The following RUNDC3B variants were observed in gnomAD, a reference collection of about 807,000 sequenced individuals.
The protein encoded by RUNDC3B is RUN domain-containing protein 3B.
RUNDC3B carries 33 observed loss-of-function variants against 58.4 expected under a neutral mutation model. The ratio of observed to expected loss-of-function variants is 0.56; its 90% CI spans 0.43 to 0.75. The LOEUF is 0.75. Among genes scored for constraint, RUNDC3B ranks in the 30% least tolerant of loss-of-function variants. The probability of loss-of-function intolerance (pLI) is 0.00; values close to 1 mark genes in which losing one functional copy is unlikely to be tolerated. For missense variants in RUNDC3B, 501 were observed against 535.7 expected (o/e 0.94, Z 0.64); for synonymous variants, 193 against 195.2 (o/e 0.99, Z 0.10).
At chr7:87,703,915 T>TTTG in intron 3 of RUNDC3B, among the ~76,000 whole-genome samples, 1 of 18,544 alleles carries the variant, frequency 5.4e-5, no homozygotes, top group South Asian at 2.2e-3. Flanking sequence ...TTTTTTTTGG[T>TTTG]TTTTTTTTTT....
intron 3 of RUNDC3B, among the ~76,000 whole-genome samples, chr7:87,700,952 C>CTCAAGAAA (rs1290087350): frequency 6.6e-6 from 1 of 152,192 alleles, no homozygotes; most frequent in African/African-American, 2.4e-5. Context: ...TCTTCCCCAC[C>CTCAAGAAA]ATGCACTCAG....
chr7:87,710,594 C>G lies in RUNDC3B; in HGVS notation c.397C>G (p.Leu133Val). Reference protein sequence around the residue: ...AKGRAWIRVALMEKHLSEYIS... With the variant: ...AKGRAWIRVAVMEKHLSEYIS... ...GGGTAGAGCCTGGATCAGAGTAGCA[C>G]TCATGGAAAAACATTTATCTGAATA... The change falls in exon 4 of 11, where the codon CTC becomes GTC. Residue 133 changes from leucine (L) to valine (V), a missense_variant. Coordinates refer to ENST00000394654, the MANE Select transcript of RUNDC3B (RefSeq NM_001134405.2). 4 of 1,599,296 alleles carry G rather than the reference C, an allele frequency of 2.5e-6. No individual in the cohort carries two copies. The highest frequency in any genetic ancestry group is 3.4e-6 in the Non-Finnish European group (4 of 1,169,832).
intron 4 of RUNDC3B, 54 bp downstream of exon 4, chr7:87,710,709 C>A: frequency 2.0e-6 from 2 of 979,886 alleles, no homozygotes; most frequent in Non-Finnish European, 3.1e-6. Flanking sequence ...CACCTGAAGA[C>A]TCAGAAATCA....
intron 4 of RUNDC3B, among the ~76,000 whole-genome samples, chr7:87,722,392 C>G (rs1830956994): frequency 6.6e-6 from 1 of 152,120 alleles, no homozygotes; most frequent in South Asian, 2.1e-4. Context: ...CTATTCTGGT[C>G]TCTACTTTTA....
chr7:87,675,152 G>A (rs1826199516), intron 2 of RUNDC3B, among the ~76,000 whole-genome samples: 1 of 152,160 alleles, frequency 6.6e-6, no homozygotes, highest in Non-Finnish European at 1.5e-5. Flanking sequence ...CTAGGAACAA[G>A]TCCCTGTGCT....
intron 8 of RUNDC3B, among the ~76,000 whole-genome samples, chr7:87,794,767 G>A (rs998138464): frequency 6.6e-6 from 1 of 152,058 alleles, no homozygotes; most frequent in Non-Finnish European, 1.5e-5. Context: ...AAAAAGCATG[G>A]TATTGACATT....
At chr7:87,737,208 C>G (rs949484996) in intron 4 of RUNDC3B, among the ~76,000 whole-genome samples, 3 of 151,696 alleles carry the variant, frequency 2.0e-5, no homozygotes, top group Admixed American at 6.6e-5. Context: ...TAAAAATTTT[C>G]TTTAGAACAA....
At chr7:87,741,893 A>G (rs558360649) in intron 6 of RUNDC3B, among the ~76,000 whole-genome samples, 3 of 152,346 alleles carry the variant, frequency 2.0e-5, no homozygotes, top group Non-Finnish European at 4.4e-5. Context: ...AGATTTTGAA[A>G]CTATAATTCA....
chr7:87,683,879 A>G (rs565425968), intron 2 of RUNDC3B, among the ~76,000 whole-genome samples: 2 of 152,328 alleles, frequency 1.3e-5, no homozygotes, highest in East Asian at 3.9e-4. Context: ...ATAAAGTGAA[A>G]TACATTAAAA....
chr7:87,671,321 G>T (rs767903651), intron 2 of RUNDC3B, among the ~76,000 whole-genome samples: 22 of 152,188 alleles, frequency 1.4e-4, no homozygotes, highest in Non-Finnish European at 2.1e-4. Context: ...GTCTCAGAGA[G>T]GCTTTTAGTT....
chr7:87,690,592 TAAAAGATA>T (rs1827917043), intron 2 of RUNDC3B, among the ~76,000 whole-genome samples: 1 of 152,168 alleles, frequency 6.6e-6, no homozygotes, highest in African/African-American at 2.4e-5. Flanking sequence ...AAATGCTGTA[TAAAAGATA>T]GTCTCATTGT....
At chr7:87,674,256 C>T (rs1033606047) in intron 2 of RUNDC3B, among the ~76,000 whole-genome samples, 7 of 152,060 alleles carry the variant, frequency 4.6e-5, no homozygotes, top group South Asian at 2.1e-4. Context: ...CCAGTGGAAG[C>T]GAGGCAGTGA....
Position 87,741,549 on chromosome 7 carries a change from A to G in RUNDC3B, c.599A>G (p.Asp200Gly), listed in dbSNP as rs1292434893. 6.3e-7 allele frequency: 1 copy of G among 1,586,418 alleles called. No individual in the cohort carries two copies. The highest frequency in any genetic ancestry group is 8.6e-7 in the Non-Finnish European group (1 of 1,160,198). The stretch of plus-strand genomic sequence containing the variant: ...GATGGCAGTTTTCCTGCTGTAATAG[A>G]CTATACACCATATTTGAAGTATATC... ...GLDGSFPAVI[D>G]YTPYLKYIQS... Residue 200 changes from aspartate (D) to glycine (G), a missense_variant, in exon 6 of 11, where the codon GAC becomes GGC. Asp to Gly is a moderately conservative substitution (Grantham distance 94). Coordinates refer to ENST00000394654, the MANE Select transcript of RUNDC3B (RefSeq NM_001134405.2).
Position 87,818,048 on chromosome 7 carries a change from C to A in RUNDC3B, c.1225+1786C>A, listed in dbSNP as rs79997990. Among the ~76,000 whole-genome samples, 576 of 152,022 alleles carry A rather than the reference C, an allele frequency of 3.8e-3. 3 individuals are homozygous for A. The highest frequency in any genetic ancestry group is 0.013 in the African/African-American group (555 of 41,472). ...ATCTTAATATTTTAATATTTTAGTA[C>A]TTTTTTTATAAATCCAATAGTAACT... On this transcript the variant is annotated intron_variant, in intron 10 of 10. Coordinates refer to ENST00000394654, the MANE Select transcript of RUNDC3B (RefSeq NM_001134405.2).
intron 4 of RUNDC3B, among the ~76,000 whole-genome samples, chr7:87,730,890 G>T (rs532532736): frequency 6.6e-6 from 1 of 152,124 alleles, no homozygotes; most frequent in African/African-American, 2.4e-5. Flanking sequence ...GTTTGGTTGG[G>T]GGGAAGTAAA....
intron 4 of RUNDC3B, among the ~76,000 whole-genome samples, chr7:87,730,347 C>A (rs1340442278): frequency 6.6e-6 from 1 of 152,044 alleles, no homozygotes; most frequent in Non-Finnish European, 1.5e-5. Flanking sequence ...GAGAGGAGAG[C>A]CTGCTGACCT....
At chr7:87,729,380 C>G (rs983750001) in intron 4 of RUNDC3B, among the ~76,000 whole-genome samples, 5 of 152,186 alleles carry the variant, frequency 3.3e-5, no homozygotes, top group Admixed American at 1.3e-4. Flanking sequence ...CTTCATCCCC[C>G]AGCAATGGCT....
Position 87,783,495 on chromosome 7 carries a change from G to A in RUNDC3B, c.956+5540G>A, listed in dbSNP as rs746643218. 9.2e-5 allele frequency among the ~76,000 whole-genome samples: 14 copies of A among 152,072 alleles called. No homozygotes were observed. In the Middle Eastern group the frequency reaches 0.01, roughly 111 times the overall value. On this transcript the variant is annotated intron_variant, in intron 8 of 10. Coordinates refer to ENST00000394654, the MANE Select transcript of RUNDC3B (RefSeq NM_001134405.2). ...GTTTTTTAAGTGGGGCATTTAGACCGTTTACATTCATGGTTAATATCGCTA... is the reference window on the plus strand; with the variant it reads ...GTTTTTTAAGTGGGGCATTTAGACCATTTACATTCATGGTTAATATCGCTA...
intron 2 of RUNDC3B, among the ~76,000 whole-genome samples, chr7:87,677,544 T>A (rs1385665051): frequency 6.6e-6 from 1 of 152,002 alleles, no homozygotes; most frequent in Non-Finnish European, 1.5e-5. Context: ...GGGGAGATAT[T>A]GGTCAAAGGG....
Sources: allele counts gnomAD v4.1 joint callset (sites outside exome capture counted in the v4.1 genomes callset), GRCh38; gene constraint gnomAD v4.1.1; transcripts MANE v1.5; gene names NCBI Gene and HGNC (gene_info 2026-07-23, HGNC 2026-07-21).